Variants in KHDRBS2 observed in about 807,000 individuals in gnomAD.
KHDRBS2 encodes KH RNA binding domain containing, signal transduction associated 2.
In KHDRBS2, 26 loss-of-function variants were observed where a neutral mutation model predicts 44.3. The ratio of observed to expected loss-of-function variants is 0.59; its 90% CI spans 0.43 to 0.81. The LOEUF (loss-of-function observed/expected upper bound fraction) is 0.81, where lower values mean the gene tolerates loss of function less well. Among genes scored for constraint, KHDRBS2 ranks in the 40% least tolerant of loss-of-function variants. The probability of loss-of-function intolerance (pLI) is 0.00; values close to 1 mark genes in which losing one functional copy is unlikely to be tolerated. For synonymous variants in KHDRBS2, 194 were observed against 151.1 expected (o/e 1.28, Z -2.08); for missense variants, 476 against 433.1 (o/e 1.10, Z -0.88).
At position 61,825,450 on chromosome 6, in the gene KHDRBS2, C is replaced by T. The variant is rs554101169; in HGVS notation, c.810+69185G>A. Among the ~76,000 whole-genome samples, 4 of 152,242 alleles carry T rather than the reference C, an allele frequency of 2.6e-5. No homozygotes were observed. In the South Asian group the frequency reaches 6.2e-4, roughly 24 times the overall value. The stretch of plus-strand genomic sequence containing the variant: ...AAATTTCTAGCTCTGACAAATAGCA[C>T]GCCAACCTATGTGTACTTACACCAA... On this transcript the variant is annotated intron_variant, in intron 6 of 8. Transcript: ENST00000281156.
intron 1 of KHDRBS2, among the ~76,000 whole-genome samples, chr6:62,247,316 G>C (rs1835746333): frequency 6.6e-6 from 1 of 151,260 alleles, no homozygotes; most frequent in African/African-American, 2.4e-5. Flanking sequence ...TTTGGTGCTA[G>C]GTTGATGCAA....
intron 1 of KHDRBS2, among the ~76,000 whole-genome samples, chr6:62,240,650 ATGTG>A (rs1236403215): frequency 1.6e-4 from 14 of 85,598 alleles, no homozygotes; most frequent in South Asian, 9.3e-4. Flanking sequence ...GTGTGTGTGT[ATGTG>A]TGTATGTATG....
At chr6:61,735,953 T>TA (rs1775255707) in intron 6 of KHDRBS2, among the ~76,000 whole-genome samples, 1 of 152,188 alleles carries the variant, frequency 6.6e-6, no homozygotes, top group African/African-American at 2.4e-5. Flanking sequence ...TTACAATTTT[T>TA]ATCTCTGCTG....
At chr6:61,552,763 T>G in the KHDRBS2 span, among the ~76,000 whole-genome samples, 1 of 152,298 alleles carries the variant, frequency 6.6e-6, no homozygotes, top group Admixed American at 6.5e-5. Flanking sequence ...AATCATGTGG[T>G]TTTTGTTTTC....
chr6:61,958,065 T>C (rs1217675233), intron 4 of KHDRBS2, among the ~76,000 whole-genome samples: 1 of 152,180 alleles, frequency 6.6e-6, no homozygotes, highest in African/African-American at 2.4e-5. Context: ...TCCCCTATTC[T>C]CAATCATAAA....
intron 4 of KHDRBS2, among the ~76,000 whole-genome samples, chr6:61,929,037 T>C (rs764258485): frequency 3.9e-5 from 6 of 152,134 alleles, no homozygotes; most frequent in African/African-American, 2.4e-5. Flanking sequence ...ACAAGTCTGC[T>C]ACAAGCAAAT....
At chr6:61,569,476 T>A in the KHDRBS2 span, among the ~76,000 whole-genome samples, 1 of 152,088 alleles carries the variant, frequency 6.6e-6, no homozygotes, top group Non-Finnish European at 1.5e-5. Flanking sequence ...TGGAGGCCAG[T>A]CAACTCAGGC....
chr6:61,799,780 A>T (rs766779193), intron 6 of KHDRBS2, among the ~76,000 whole-genome samples: 3 of 152,192 alleles, frequency 2.0e-5, no homozygotes, highest in Non-Finnish European at 2.9e-5. Flanking sequence ...ATAATCCTTA[A>T]TTTATTCATC....
chr6:61,866,451 T>C (rs1474233152), intron 6 of KHDRBS2, among the ~76,000 whole-genome samples: 1 of 152,122 alleles, frequency 6.6e-6, no homozygotes. Context: ...GCACACAACA[T>C]GGGGACACTG....
At position 62,013,064 on chromosome 6, in the gene KHDRBS2, C is replaced by T. The variant is rs146465019; in HGVS notation, c.336+34814G>A. ...GCTCCTAGAAATTGAATAGCTTCTT[C>T]ACTGTAAAAATATAGTCTGGTTGCA... On this transcript the variant is annotated intron_variant, in intron 3 of 8. Transcript: ENST00000281156. Among the ~76,000 whole-genome samples the T allele has an allele frequency of 1.4e-3, 209 of 152,270 alleles. 1 individual carries two copies. The highest frequency in any genetic ancestry group is 4.8e-3 in the African/African-American group (199 of 41,558).
intron 6 of KHDRBS2, among the ~76,000 whole-genome samples, chr6:61,757,998 G>A (rs751207996): frequency 8.5e-5 from 13 of 152,072 alleles, no homozygotes; most frequent in Non-Finnish European, 1.3e-4. Flanking sequence ...TCAATATTCT[G>A]CAGATACCTG....
chr6:61,574,574 A>C, the KHDRBS2 span, among the ~76,000 whole-genome samples: 1 of 152,074 alleles, frequency 6.6e-6, no homozygotes, highest in Admixed American at 6.6e-5. Context: ...AGTCAAAACG[A>C]GTTACCACGT....
At chr6:62,088,558 G>T (rs1448083963) in intron 2 of KHDRBS2, among the ~76,000 whole-genome samples, 1 of 152,160 alleles carries the variant, frequency 6.6e-6, no homozygotes, top group Non-Finnish European at 1.5e-5. Context: ...ATTGCTGCCT[G>T]TTCCTTCCTC....
At chr6:61,835,501 T>G (rs2127266368) in intron 6 of KHDRBS2, among the ~76,000 whole-genome samples, 1 of 152,068 alleles carries the variant, frequency 6.6e-6, no homozygotes, top group Middle Eastern at 3.4e-3. Flanking sequence ...TGCCAAGATC[T>G]ACTGAGATAA....
the KHDRBS2 span, among the ~76,000 whole-genome samples, chr6:61,578,018 C>T: frequency 6.6e-6 from 1 of 152,034 alleles, no homozygotes; most frequent in Admixed American, 6.6e-5. Flanking sequence ...AAACTTCACT[C>T]ATTATTTTTC....
intron 4 of KHDRBS2, among the ~76,000 whole-genome samples, chr6:61,938,795 G>T (rs1811525540): frequency 1.3e-5 from 2 of 152,070 alleles, no homozygotes; most frequent in South Asian, 4.2e-4. Flanking sequence ...ATAGTAAGAG[G>T]GGATTCTATA....
the KHDRBS2 span, among the ~76,000 whole-genome samples, chr6:61,557,634 T>C: frequency 6.2e-4 from 94 of 152,312 alleles, no homozygotes; most frequent in Middle Eastern, 3.4e-3. Flanking sequence ...ATCAGGATAA[T>C]AGTAGTAGCC....
chr6:61,958,601 C>T, intron 4 of KHDRBS2, among the ~76,000 whole-genome samples: 1 of 152,184 alleles, frequency 6.6e-6, no homozygotes, highest in Non-Finnish European at 1.5e-5. Flanking sequence ...GAATTTGCAT[C>T]ACTCGGAATT....
At chr6:62,226,045 A>G (rs922327796) in intron 1 of KHDRBS2, among the ~76,000 whole-genome samples, 2 of 152,208 alleles carry the variant, frequency 1.3e-5, no homozygotes, top group African/African-American at 4.8e-5. Context: ...TCCTTTGGGT[A>G]TATACCCAGT....
Sources: gnomAD v4.1 joint callset for allele counts (sites outside exome capture counted in the v4.1 genomes callset) on GRCh38, gnomAD v4.1.1 for gene constraint, MANE v1.5 for transcripts, NCBI Gene and HGNC (gene_info 2026-07-23, HGNC 2026-07-21) for gene names.